The following MYH9 variants were observed in gnomAD, a reference collection of about 807,000 sequenced individuals.
MYH9 encodes the protein myosin heavy chain 9, also known as myosin-9.
In MYH9, 29 loss-of-function variants were observed where a neutral mutation model predicts 241.9. The observed-to-expected ratio is 0.12, with a 90% CI of 0.09 to 0.16. The LOEUF (loss-of-function observed/expected upper bound fraction) is 0.16, where lower values mean the gene tolerates loss of function less well. MYH9 is among the 10% of genes least tolerant of loss of function. MYH9 has a pLI of 1.00. For synonymous variants in MYH9, 1,047 were observed against 1,062.6 expected (o/e 0.99, Z 0.29); for missense variants, 1,803 against 2,595.5 (o/e 0.69, Z 6.63).
intron 1 of MYH9, among the ~76,000 whole-genome samples, chr22:36,381,941 A>G (rs554162556): frequency 6.6e-6 from 1 of 152,296 alleles, no homozygotes; most frequent in African/African-American, 2.4e-5. Context: ...TATAGTCGGA[A>G]GGAGTATGCT....
At chr22:36,292,318 GC>G in intron 30 of MYH9, 84 bp from the exon 31 acceptor site, 1 of 1,571,438 alleles carries the variant, frequency 6.4e-7, no homozygotes, top group Admixed American at 1.7e-5. Context: ...CTGGGAGCCT[GC>G]CTGCCACACC....
Position 36,306,560 on chromosome 22 carries a change from C to T in MYH9, c.1891G>A (p.Ala631Thr), listed in dbSNP as rs200546575. Reference sequence around the variant, plus strand: ...CGCGTCTTGAAGGCCCCGGGCAGTGCGGTCTCCGACATGCCGGCCACCTGG... The same window carrying T: ...CGCGTCTTGAAGGCCCCGGGCAGTGTGGTCTCCGACATGCCGGCCACCTGG... The part of the protein sequence containing the change: ...LDQVAGMSET[A>T]LPGAFKTRKG... Residue 631 changes from alanine (A) to threonine (T), a missense_variant, in exon 16 of 41, where the codon GCA becomes ACA. Coordinates refer to ENST00000216181, the MANE Select transcript of MYH9 (RefSeq NM_002473.6). This position sits in a 1 kb window ranked among gnomAD's most constrained non-coding sequence, Gnocchi z 4.1. 6.8e-6 allele frequency: 11 copies of T among 1,613,838 alleles called. 1 individual carries two copies. The highest frequency in any genetic ancestry group is 6.6e-5 in the South Asian group (6 of 91,078).
intron 3 of MYH9, among the ~76,000 whole-genome samples, chr22:36,336,206 T>C (rs2017495770): frequency 6.6e-6 from 1 of 152,238 alleles, no homozygotes; most frequent in Admixed American, 6.5e-5. Flanking sequence ...GCATTCTACC[T>C]AATTCACATA....
chr22:36,333,889 G>A (rs984005659), intron 3 of MYH9, among the ~76,000 whole-genome samples: 5 of 152,120 alleles, frequency 3.3e-5, no homozygotes, highest in African/African-American at 9.7e-5. Flanking sequence ...CCAAAAGCAC[G>A]AAGTGGCTTA....
At chr22:36,308,990 T>G in intron 15 of MYH9, 1 of 475,772 alleles carries the variant, frequency 2.1e-6, no homozygotes, top group Non-Finnish European at 2.7e-6. Context: ...GAATGCAACA[T>G]GGCGCGGGGC....
At chr22:36,346,634 A>G (rs2017682346) in intron 2 of MYH9, among the ~76,000 whole-genome samples, 1 of 151,884 alleles carries the variant, frequency 6.6e-6, no homozygotes, top group Non-Finnish European at 1.5e-5. Flanking sequence ...ACAGGGTCTC[A>G]CTCTGTCGTC....
chr22:36,286,107 C>A, intron 35 of MYH9, 154 bp from the exon 36 acceptor site: 2 of 755,610 alleles, frequency 2.6e-6, no homozygotes, highest in Non-Finnish European at 4.6e-6. Flanking sequence ...AGGGCTGGTG[C>A]CCCCCTGAAG....
chr22:36,332,150 C>T (rs948398990), intron 3 of MYH9, among the ~76,000 whole-genome samples: 5 of 152,166 alleles, frequency 3.3e-5, no homozygotes, highest in Admixed American at 2.6e-4. Flanking sequence ...GCACAGCACT[C>T]GGCACCTCCC....
At chr22:36,303,784 C>CAAAAAAAAAAAA (rs56983008) in intron 19 of MYH9, among the ~76,000 whole-genome samples, 4 of 48,416 alleles carry the variant, frequency 8.3e-5, no homozygotes, top group African/African-American at 1.5e-4. Context: ...GACTCCGTCT[C>CAAAAAAAAAAAA]AAAAAAAAAA....
At position 36,306,086 on chromosome 22, in the gene MYH9, C is replaced by A; in HGVS notation, c.2038-35G>T. 6.2e-7 allele frequency: 1 copy of A among 1,611,406 alleles called. No individual in the cohort carries two copies. The highest frequency in any genetic ancestry group is 1.1e-5 in the South Asian group (1 of 91,076). On this transcript the variant is annotated intron_variant, in intron 16 of 40. Coordinates refer to ENST00000216181, the MANE Select transcript of MYH9 (RefSeq NM_002473.6). This position sits in a 1 kb window ranked among gnomAD's most constrained non-coding sequence, Gnocchi z 4.1. Reference sequence around the variant, plus strand: ...AAAACACATGCATGCGGTCTCACTTCCGTGCCTAGAACAGTCGGAGAATAG... The same window carrying A: ...AAAACACATGCATGCGGTCTCACTTACGTGCCTAGAACAGTCGGAGAATAG...
intron 23 of MYH9, among the ~76,000 whole-genome samples, chr22:36,299,637 G>T (rs1361428539): frequency 6.6e-6 from 1 of 152,134 alleles, no homozygotes; most frequent in Middle Eastern, 3.2e-3. Context: ...CCCGAAAGGT[G>T]GGGAGGCTGC....
At position 36,312,238 on chromosome 22, in the gene MYH9, C is replaced by T. The variant is rs1217082106; in HGVS notation, c.1555-16G>A. The T allele has an allele frequency of 1.2e-6, 2 of 1,613,722 alleles. No individual in the cohort carries two copies. Among genetic ancestry groups the T allele is most frequent in the African/African-American group, 2.7e-5 (2 of 74,928 alleles). Reference sequence around the variant, plus strand: ...GGGGGCCTGCCTGGAGGAAGCGCAGCATCAGCACAGGTGAGTGCACCCTGG... The same window carrying T: ...GGGGGCCTGCCTGGAGGAAGCGCAGTATCAGCACAGGTGAGTGCACCCTGG... On this transcript the variant is annotated splice_polypyrimidine_tract_variant and intron_variant, in intron 13 of 40. Transcript: ENST00000216181.
Position 36,348,519 on chromosome 22 carries a change from AAAAATTAAATT to A in MYH9, c.333+374_333+384del, listed in dbSNP as rs1401963393. 9.0e-4 allele frequency among the ~76,000 whole-genome samples: 129 copies of A among 142,990 alleles called. 1 individual carries two copies. Among genetic ancestry groups the A allele is most frequent in the Non-Finnish European group, 4.9e-4 (33 of 67,866 alleles). 93.8% of individuals were successfully genotyped at this position (142,990 alleles called of 152,430 possible). On this transcript the variant is annotated intron_variant, in intron 2 of 40. Coordinates refer to ENST00000216181, the MANE Select transcript of MYH9 (RefSeq NM_002473.6). Reference sequence around the variant, plus strand: ...GCAAGACTCCGTCTCAAAAAAAAAAAAAAATTAAATTAAATTAAATTAAATTAAAAAAGAAG... The same window carrying A: ...GCAAGACTCCGTCTCAAAAAAAAAAAAAATTAAATTAAATTAAAAAAGAAG...
Position 36,288,989 on chromosome 22 carries a change from G to A in MYH9, c.4558-50C>T, listed in dbSNP as rs1028802926. 2.5e-6 allele frequency: 4 copies of A among 1,612,608 alleles called. No individual in the cohort carries two copies. Among genetic ancestry groups the A allele is most frequent in the Non-Finnish European group, 3.4e-6 (4 of 1,179,756 alleles). On this transcript the variant is annotated intron_variant, in intron 32 of 40. Transcript: ENST00000216181. The surrounding 1 kb of genome is among the most constrained non-coding windows in gnomAD (Gnocchi z 4.8). ...GGAGCAAAGGGACTGGCAGGTACCT[G>A]GGTCTGCGCGACCCGGAGTCTGTGC...
In MYH9 at chr22:36,301,598, T is replaced by G. The variant is rs888923106; in HGVS notation, c.2567A>C (p.Lys856Thr). The G allele has an allele frequency of 1.1e-5, 18 of 1,613,920 alleles. No homozygotes were observed. The highest frequency in any genetic ancestry group is 1.4e-5 in the Non-Finnish European group (17 of 1,180,034). ...CGCAGCCAGCTGCTTCTCTCTGACC[T>G]TCACCAGCTCCTCCTCCTTGGCCAT... Reference protein sequence around the residue: ...EMMAKEEELVKVREKQLAAEN... With the variant: ...EMMAKEEELVTVREKQLAAEN... The change falls in exon 21 of 41, where the codon AAG becomes ACG. Residue 856 changes from lysine to threonine, a missense_variant. Physicochemically the swap from Lys to Thr is moderately conservative, Grantham distance 78. Around this residue, in one of 11 missense-constraint regions of MYH9, gnomAD observed 290 missense variants for 360.5 expected, o/e 0.80. Coordinates refer to ENST00000216181, the MANE Select transcript of MYH9 (RefSeq NM_002473.6).
chr22:36,297,040 G>A (rs762281656), intron 24 of MYH9, 26 bp from the exon 25 acceptor site: 1 of 1,611,584 alleles, frequency 6.2e-7, no homozygotes, highest in South Asian at 1.1e-5. Context: ...AGCCCACATA[G>A]CCCTCAGTGC....
chr22:36,387,135 G>A (rs13057119), intron 1 of MYH9, among the ~76,000 whole-genome samples: 3 of 152,182 alleles, frequency 2.0e-5, no homozygotes, highest in Admixed American at 1.3e-4. Context: ...GTCCCCGCCG[G>A]GTCCCCCTTG....
chr22:36,342,516 C>T (rs1376204826), intron 2 of MYH9, among the ~76,000 whole-genome samples: 1 of 152,158 alleles, frequency 6.6e-6, no homozygotes, highest in Non-Finnish European at 1.5e-5. Context: ...GGTAAATACA[C>T]CTTACCTTGT....
At chr22:36,322,063 G>A in intron 6 of MYH9, 1 of 593,746 alleles carries the variant, frequency 1.7e-6, no homozygotes, top group East Asian at 2.8e-5. Context: ...CCACACCCAG[G>A]TTCCTCCGCA....
Sources: allele counts gnomAD v4.1 joint callset (sites outside exome capture counted in the v4.1 genomes callset), GRCh38; gene constraint gnomAD v4.1.1; regional missense constraint gnomAD v4.1.1; non-coding constraint Gnocchi (gnomAD v3.1); transcripts MANE v1.5; gene names NCBI Gene and HGNC (gene_info 2026-07-23, HGNC 2026-07-21).